Variants in BTBD1 observed in about 807,000 individuals in gnomAD.
BTBD1 encodes the protein BTB/POZ domain-containing protein 1.
A neutral mutation model predicts 48.0 loss-of-function variants in BTBD1; 34 were observed. The observed-to-expected ratio is 0.71, with a 90% CI of 0.54 to 0.94. BTBD1 has a LOEUF of 0.94. Ranked by LOEUF, BTBD1 falls within the 40% of genes least tolerant of loss-of-function variation. The pLI is 0.00. For missense variants in BTBD1, 543 were observed against 625.6 expected (o/e 0.87, Z 1.41); for synonymous variants, 261 against 242.1 (o/e 1.08, Z -0.72).
chr15:83,041,622 C>T, intron 4 of BTBD1, 106 bp downstream of exon 4: 1 of 981,598 alleles, frequency 1.0e-6, no homozygotes, highest in Non-Finnish European at 1.6e-6. Context: ...ATCCACCTGC[C>T]TTGGCCTCTC....
intron 2 of BTBD1, among the ~76,000 whole-genome samples, chr15:83,050,908 A>AATATATAAT (rs1240259839): frequency 6.6e-6 from 1 of 152,222 alleles, no homozygotes; most frequent in African/African-American, 2.4e-5. Flanking sequence ...AAAAAGCCAG[A>AATATATAAT]ATATATAATG....
chr15:83,059,731 T>C (rs1222941986), intron 1 of BTBD1, among the ~76,000 whole-genome samples: 1 of 152,182 alleles, frequency 6.6e-6, no homozygotes, highest in Non-Finnish European at 1.5e-5. Flanking sequence ...TACAGGCACA[T>C]GCCACTAGGC....
At chr15:83,032,296 G>A (rs1419576353) in intron 4 of BTBD1, among the ~76,000 whole-genome samples, 2 of 151,904 alleles carry the variant, frequency 1.3e-5, no homozygotes, top group African/African-American at 4.8e-5. Context: ...ACTCCAGCCT[G>A]GGCAACACAG....
At chr15:83,063,003 A>T (rs913918620) in intron 1 of BTBD1, among the ~76,000 whole-genome samples, 3 of 151,566 alleles carry the variant, frequency 2.0e-5, no homozygotes, top group African/African-American at 7.3e-5. Context: ...AAATCAACTC[A>T]AAGTCTTCAT....
Position 83,050,081 on chromosome 15 carries a change from A to G in BTBD1, c.656T>C (p.Ile219Thr), listed in dbSNP as rs1413147241. ...CTTCATAGCGAACTTACCTATATCA[A>G]TATCAGTAAACCCTTCTGCACTTAT... ...DAISAEGFTDIDIDTLCAVLE... is the reference protein window; with the variant it reads ...DAISAEGFTDTDIDTLCAVLE... The change falls in exon 3 of 8, where the codon ATT becomes ACT. Residue 219 changes from isoleucine (I) to threonine (T), a missense_variant. Physicochemically the swap from Ile to Thr is moderately conservative, Grantham distance 89. Coordinates refer to ENST00000261721, the MANE Select transcript of BTBD1 (RefSeq NM_025238.4). 11 of 1,603,674 alleles carry G rather than the reference A, an allele frequency of 6.9e-6. No homozygotes were observed. Among genetic ancestry groups the G allele is most frequent in the East Asian group, 2.2e-5 (1 of 44,746 alleles).
chr15:83,055,498 T>C (rs1346287984), intron 2 of BTBD1, among the ~76,000 whole-genome samples: 2 of 152,150 alleles, frequency 1.3e-5, no homozygotes, highest in Admixed American at 1.3e-4. Flanking sequence ...CCTCAAGTGA[T>C]CCGCCCACCT....
chr15:83,019,129 G>A (rs1394280237), intron 6 of BTBD1, among the ~76,000 whole-genome samples: 2 of 151,110 alleles, frequency 1.3e-5, no homozygotes, highest in Admixed American at 1.3e-4. Flanking sequence ...TTGGGGTCTC[G>A]GCTCACTGAA....
At chr15:83,065,528 G>C (rs1465115186) in intron 1 of BTBD1, among the ~76,000 whole-genome samples, 1 of 152,060 alleles carries the variant, frequency 6.6e-6, no homozygotes, top group Non-Finnish European at 1.5e-5. Context: ...GTGAACCTTT[G>C]TATCTAATTC....
At chr15:83,028,539 A>G (rs1486681002) in intron 5 of BTBD1, 1 of 152,144 alleles carries the variant, frequency 6.6e-6, no homozygotes, top group Non-Finnish European at 1.5e-5. Flanking sequence ...GCTTCCTTCA[A>G]TAATTAACCA....
chr15:83,066,034 G>C (rs2033262614), intron 1 of BTBD1, among the ~76,000 whole-genome samples: 1 of 152,174 alleles, frequency 6.6e-6, no homozygotes, highest in African/African-American at 2.4e-5. Flanking sequence ...GTTCACGCCT[G>C]TAATCCCAGC....
chr15:83,039,984 G>GAC (rs34590396), intron 4 of BTBD1, among the ~76,000 whole-genome samples: 28,671 of 146,048 alleles, frequency 0.2, 2,905 homozygotes, highest in Admixed American at 0.28. Flanking sequence ...TAGAGAATGT[G>GAC]ACACACACAC....
Position 83,018,164 on chromosome 15 carries a change from G to A in BTBD1, c.1352C>T (p.Ala451Val). ...AAAAAAGAAAAAAACAGTCTTGCTT[G>A]CAGCAGGTGTCTCATGCACTACTTT... The part of the protein sequence containing the change: ...LKKVVHETPA[A>V]SKTVFFFFSS... The change falls in exon 8 of 8, where the codon GCA (alanine) becomes GTA (valine). Residue 451 changes from alanine (A) to valine (V), a missense_variant. Ala to Val is a moderately conservative substitution (Grantham distance 64). Around this residue, in one of 3 missense-constraint regions of BTBD1, gnomAD observed 300 missense variants for 350.0 expected, o/e 0.86. Transcript: ENST00000261721. The A allele has an allele frequency of 6.2e-7, 1 of 1,612,756 alleles. No homozygotes were observed.
Position 83,056,472 on chromosome 15 carries a change from C to T in BTBD1, c.475G>A (p.Ala159Thr). The T allele has an allele frequency of 3.7e-6, 6 of 1,612,510 alleles. No individual in the cohort carries two copies. Among genetic ancestry groups the T allele is most frequent in the Non-Finnish European group, 4.2e-6 (5 of 1,178,684 alleles). The change falls in exon 2 of 8, where the codon GCA becomes ACA. Residue 159 changes from alanine to threonine, a missense_variant. Coordinates refer to ENST00000261721, the MANE Select transcript of BTBD1 (RefSeq NM_025238.4). ...CAGTGTGCTTCCAAGGCTGGGACTG[C>T]GTATTTCTTGGCAGTATAAAGAGTG... The part of the protein sequence containing the change: ...MTTLYTAKKY[A>T]VPALEAHCVE...
At chr15:83,046,224 C>T (rs779101053) in intron 3 of BTBD1, among the ~76,000 whole-genome samples, 43 of 151,944 alleles carry the variant, frequency 2.8e-4, no homozygotes, top group African/African-American at 1.0e-3. Flanking sequence ...GGCGAAACCC[C>T]GTCTCTACCA....
chr15:83,018,239 A>G lies in BTBD1; in HGVS notation c.1291-14T>C. 6.5e-7 allele frequency: 1 copy of G among 1,540,102 alleles called. No homozygotes were observed. Among genetic ancestry groups the G allele is most frequent in the Non-Finnish European group, 8.7e-7 (1 of 1,144,604 alleles). On this transcript the variant is annotated splice_polypyrimidine_tract_variant and intron_variant, in intron 7 of 7. Coordinates refer to ENST00000261721, the MANE Select transcript of BTBD1 (RefSeq NM_025238.4). ...GGAATCTGGACCCTAAATGAGAACA[A>G]AAGGTTCCTTAGTAATTTTCATTTA...
chr15:83,054,686 T>C (rs1249984672), intron 2 of BTBD1, among the ~76,000 whole-genome samples: 1 of 151,318 alleles, frequency 6.6e-6, no homozygotes, highest in Non-Finnish European at 1.5e-5. Context: ...CTCAGCCTCC[T>C]GAGTAGCTGG....
intron 4 of BTBD1, among the ~76,000 whole-genome samples, chr15:83,039,966 A>G (rs1233451898): frequency 6.7e-6 from 1 of 149,362 alleles, no homozygotes; most frequent in African/African-American, 2.5e-5. Context: ...CATCAGTGGT[A>G]GACTGGGTAG....
intron 4 of BTBD1, chr15:83,030,844 A>C (rs1042117142): frequency 1.3e-5 from 2 of 152,292 alleles, no homozygotes; most frequent in South Asian, 2.1e-4. Flanking sequence ...ACAGAGTGGG[A>C]GAAAATATTT....
At chr15:83,034,665 T>C (rs2032590491) in intron 4 of BTBD1, among the ~76,000 whole-genome samples, 1 of 151,390 alleles carries the variant, frequency 6.6e-6, no homozygotes, top group South Asian at 2.1e-4. Flanking sequence ...TAAGATGAGA[T>C]AGACTGTAAA....
Sources: allele counts gnomAD v4.1 joint callset (sites outside exome capture counted in the v4.1 genomes callset), GRCh38; gene constraint gnomAD v4.1.1; regional missense constraint gnomAD v4.1.1; transcripts MANE v1.5; gene names NCBI Gene and HGNC (gene_info 2026-07-23, HGNC 2026-07-21).